ZC3H12B: variants seen among roughly 807,000 people sequenced by gnomAD.
The protein encoded by ZC3H12B is probable ribonuclease ZC3H12B.
In ZC3H12B, 7 loss-of-function variants were observed where a neutral mutation model predicts 43.9. The observed-to-expected ratio is 0.16, with a 90% confidence interval of 0.09 to 0.30. ZC3H12B has a LOEUF of 0.30. Among genes scored for constraint, ZC3H12B ranks in the 10% least tolerant of loss-of-function variants. ZC3H12B has a pLI of 1.00. For synonymous variants in ZC3H12B, 222 were observed against 241.7 expected (o/e 0.92, Z 0.76); for missense variants, 475 against 670.2 (o/e 0.71, Z 3.22).
the ZC3H12B span, among the ~76,000 whole-genome samples, chrX:65,165,051 A>T: frequency 1.2e-3 from 136 of 111,977 alleles, no homozygotes; most frequent in African/African-American, 4.2e-3. Flanking sequence ...CTTTAAACGA[A>T]GTTATATTTC....
chrX:65,225,562 C>T, the ZC3H12B span, among the ~76,000 whole-genome samples: 14 of 111,956 alleles, frequency 1.3e-4, no homozygotes, highest in Middle Eastern at 9.3e-3. Context: ...AGGCTTCAGA[C>T]GATCAAACTA....
At chrX:65,394,227 G>A (rs1285844828) in intron 2 of ZC3H12B, among the ~76,000 whole-genome samples, 1 of 111,872 alleles carries the variant, frequency 8.9e-6, no homozygotes, top group Non-Finnish European at 1.9e-5. Flanking sequence ...TGACAATTTT[G>A]GCTTTTGTTG....
the ZC3H12B span, among the ~76,000 whole-genome samples, chrX:65,297,726 G>A: frequency 5.4e-5 from 6 of 111,278 alleles, no homozygotes; most frequent in East Asian, 5.6e-4. Flanking sequence ...TGGAGGCATC[G>A]CATTACCTGA....
exon 5 of ZC3H12B, chrX:65,504,222 C>A (rs1385243132): frequency 8.9e-6 from 1 of 111,813 alleles, no homozygotes; most frequent in African/African-American, 3.3e-5. Context: ...GTGTGTATCT[C>A]TGTATAACCT....
At chrX:65,205,864 C>G in the ZC3H12B span, among the ~76,000 whole-genome samples, 7 of 111,862 alleles carry the variant, frequency 6.3e-5, no homozygotes, top group Non-Finnish European at 1.3e-4. Flanking sequence ...TAGCTCTGCT[C>G]TACACCAACA....
chrX:65,145,240 CTTT>C, the ZC3H12B span, among the ~76,000 whole-genome samples: 1 of 98,564 alleles, frequency 1.0e-5, no homozygotes, highest in African/African-American at 3.7e-5. Context: ...TCTTCGTTTT[CTTT>C]TTTTTTTTTT....
the ZC3H12B span, among the ~76,000 whole-genome samples, chrX:65,120,616 T>C: frequency 9.0e-6 from 1 of 111,450 alleles, no homozygotes; most frequent in Non-Finnish European, 1.9e-5. Context: ...TGACTTCCTT[T>C]TTTCCTAATT....
the ZC3H12B span, among the ~76,000 whole-genome samples, chrX:65,083,018 C>A: frequency 9.0e-6 from 1 of 111,012 alleles, no homozygotes; most frequent in Non-Finnish European, 1.9e-5. Context: ...AACATATGGT[C>A]ATTTCAGTTG....
the ZC3H12B span, among the ~76,000 whole-genome samples, chrX:65,089,488 G>A: frequency 9.1e-4 from 102 of 112,043 alleles, no homozygotes; most frequent in African/African-American, 3.2e-3. Flanking sequence ...GAGTCAACGA[G>A]TGAGTGGTGA....
chrX:65,256,929 C>T, the ZC3H12B span, among the ~76,000 whole-genome samples: 78 of 111,933 alleles, frequency 7.0e-4, no homozygotes, highest in African/African-American at 2.4e-3. Flanking sequence ...GTTAGAATGG[C>T]GATCATGAAA....
the ZC3H12B span, among the ~76,000 whole-genome samples, chrX:65,119,120 G>A: frequency 9.0e-6 from 1 of 111,547 alleles, no homozygotes; most frequent in South Asian, 3.8e-4. Flanking sequence ...ACGTGTGCAT[G>A]TGTCTTTCTA....
intron 3 of ZC3H12B, among the ~76,000 whole-genome samples, chrX:65,481,377 C>A (rs939418207): frequency 1.8e-5 from 2 of 111,957 alleles, no homozygotes; most frequent in Non-Finnish European, 3.8e-5. Flanking sequence ...ACAGGGACTG[C>A]ATCTTATTTA....
At chrX:65,396,809 G>T (rs1485559280) in intron 2 of ZC3H12B, among the ~76,000 whole-genome samples, 2 of 110,757 alleles carry the variant, frequency 1.8e-5, no homozygotes, top group South Asian at 3.8e-4. Flanking sequence ...GGGTGTTAAA[G>T]TCTCCCACTA....
the ZC3H12B span, among the ~76,000 whole-genome samples, chrX:65,133,538 C>G: frequency 3.6e-5 from 4 of 111,625 alleles, no homozygotes; most frequent in South Asian, 1.5e-3. Context: ...GGACATCGAC[C>G]TTGGCTATGC....
chrX:65,281,769 T>A, the ZC3H12B span, among the ~76,000 whole-genome samples: 2 of 112,193 alleles, frequency 1.8e-5, no homozygotes, highest in Admixed American at 1.9e-4. Flanking sequence ...TGCGAAAATA[T>A]TTGACAGATA....
the ZC3H12B span, among the ~76,000 whole-genome samples, chrX:65,301,979 TA>T: frequency 2.3e-4 from 24 of 105,814 alleles, no homozygotes; most frequent in African/African-American, 4.1e-4. Flanking sequence ...ATTTATGATT[TA>T]AAAAAAAAAA....
chrX:65,228,427 A>T, the ZC3H12B span, among the ~76,000 whole-genome samples: 7 of 111,644 alleles, frequency 6.3e-5, no homozygotes, highest in Non-Finnish European at 9.4e-5. Flanking sequence ...AGCCAATATC[A>T]TACTGAATGG....
At chrX:65,210,048 A>G in the ZC3H12B span, among the ~76,000 whole-genome samples, 1 of 48,765 alleles carries the variant, frequency 2.1e-5, no homozygotes, top group Admixed American at 2.4e-4. Flanking sequence ...CAATGGCAAC[A>G]AAAGCCAAAA....
At chrX:65,137,887 G>C in the ZC3H12B span, among the ~76,000 whole-genome samples, 1 of 112,693 alleles carries the variant, frequency 8.9e-6, no homozygotes, top group Non-Finnish European at 1.9e-5. Context: ...GTAGGGCAGT[G>C]GCATGATCTC....
Sources: gnomAD v4.1 joint callset for allele counts (sites outside exome capture counted in the v4.1 genomes callset) on GRCh38, gnomAD v4.1.1 for gene constraint, MANE v1.5 for transcripts, NCBI Gene and HGNC (gene_info 2026-07-23, HGNC 2026-07-21) for gene names.